The following STAG1 variants were observed in gnomAD, a reference collection of about 807,000 sequenced individuals.
STAG1 encodes STAG1 cohesin complex component.
A neutral mutation model predicts 170.9 loss-of-function variants in STAG1; 26 were observed. The observed-to-expected ratio is 0.15, with a 90% CI of 0.11 to 0.21. The LOEUF is 0.21. Among genes scored for constraint, STAG1 ranks in the 10% least tolerant of loss-of-function variants. The pLI, the probability that STAG1 is intolerant of heterozygous loss-of-function variation, is 1.00. For synonymous variants in STAG1, 514 were observed against 497.7 expected (o/e 1.03, Z -0.44); for missense variants, 964 against 1,509.5 (o/e 0.64, Z 5.99).
chr3:136,542,097 T>G, intron 6 of STAG1, 22 bp downstream of exon 6: 2 of 1,560,182 alleles, frequency 1.3e-6, no homozygotes, highest in Non-Finnish European at 1.8e-6. Context: ...AAGCAATTTG[T>G]ATGAATATTG....
intron 5 of STAG1, among the ~76,000 whole-genome samples, chr3:136,568,190 C>T (rs1937150003): frequency 1.3e-5 from 2 of 151,988 alleles, no homozygotes; most frequent in Admixed American, 6.6e-5. Flanking sequence ...CAACTCACTT[C>T]CCCCCATGTA....
At chr3:136,691,252 G>C (rs912125481) in intron 1 of STAG1, among the ~76,000 whole-genome samples, 1 of 151,988 alleles carries the variant, frequency 6.6e-6, no homozygotes, top group Non-Finnish European at 1.5e-5. Context: ...TGGCTGACAC[G>C]GTGAAACCCC....
intron 6 of STAG1, among the ~76,000 whole-genome samples, chr3:136,541,838 G>T (rs1360507376): frequency 6.6e-6 from 1 of 151,996 alleles, no homozygotes; most frequent in Non-Finnish European, 1.5e-5. Context: ...TTATAAATTT[G>T]GGAATTTGAG....
chr3:136,520,464 T>C (rs930024149), intron 7 of STAG1, among the ~76,000 whole-genome samples: 1 of 151,960 alleles, frequency 6.6e-6, no homozygotes, highest in African/African-American at 2.4e-5. Context: ...TTATGAACAC[T>C]CAACAAGTAT....
intron 16 of STAG1, among the ~76,000 whole-genome samples, chr3:136,433,320 A>G (rs145804203): frequency 0.012 from 1,817 of 152,056 alleles, 9 homozygotes; most frequent in Non-Finnish European, 0.02. Context: ...ATATATATAT[A>G]AAATACGTAA....
At chr3:136,380,292 A>T (rs1468886565) in intron 22 of STAG1, among the ~76,000 whole-genome samples, 2 of 151,316 alleles carry the variant, frequency 1.3e-5, no homozygotes, top group Non-Finnish European at 2.9e-5. Flanking sequence ...CCCAGGCTGG[A>T]GTGCAGTGGT....
chr3:136,384,147 G>A (rs1938133704), intron 22 of STAG1, among the ~76,000 whole-genome samples: 1 of 151,870 alleles, frequency 6.6e-6, no homozygotes, highest in Non-Finnish European at 1.5e-5. Flanking sequence ...GAGACAGGCA[G>A]CATTATGAAA....
intron 1 of STAG1, among the ~76,000 whole-genome samples, chr3:136,730,027 T>C (rs1022935682): frequency 6.6e-6 from 1 of 151,748 alleles, no homozygotes; most frequent in East Asian, 1.9e-4. Flanking sequence ...TAGCTGGGAC[T>C]ACAGACACGT....
Position 136,457,187 on chromosome 3 carries a change from G to T in STAG1, c.1314-5040C>A, listed in dbSNP as rs559379525. 4.7e-4 allele frequency among the ~76,000 whole-genome samples: 71 copies of T among 152,114 alleles called. 2 individuals carry two copies. In the South Asian group the frequency reaches 0.015, roughly 32 times the overall value. On this transcript the variant is annotated intron_variant, in intron 13 of 33. Coordinates refer to ENST00000383202, the MANE Select transcript of STAG1 (RefSeq NM_005862.3). The stretch of plus-strand genomic sequence containing the variant: ...CCAAAGGGTGGAAGGCTGCCCTGCC[G>T]CACCACAAATATAAGCCCAGGCATA...
intron 1 of STAG1, among the ~76,000 whole-genome samples, chr3:136,635,225 AC>A (rs1183316362): frequency 6.6e-6 from 1 of 152,230 alleles, no homozygotes; most frequent in Non-Finnish European, 1.5e-5. Flanking sequence ...CTCAACAGAA[AC>A]ATCAGCAAAT....
At chr3:136,739,520 G>A (rs143205349) in intron 1 of STAG1, among the ~76,000 whole-genome samples, 10,866 of 120,192 alleles carry the variant, frequency 0.09, 399 homozygotes, top group Non-Finnish European at 0.11. Context: ...AAAAAAAAAA[G>A]AAAAAAAAAA....
chr3:136,525,550 C>G (rs1479926005), intron 6 of STAG1, among the ~76,000 whole-genome samples: 1 of 152,118 alleles, frequency 6.6e-6, no homozygotes, highest in Non-Finnish European at 1.5e-5. Context: ...AAACCAGCTC[C>G]TAGATTCATT....
intron 9 of STAG1, among the ~76,000 whole-genome samples, chr3:136,499,363 T>G (rs750008075): frequency 6.6e-6 from 1 of 152,122 alleles, no homozygotes; most frequent in Non-Finnish European, 1.5e-5. Flanking sequence ...TTTTAAATTT[T>G]CTGTAGAGAT....
At position 136,526,541 on chromosome 3, in the gene STAG1, C is replaced by G. The variant is rs368878392; in HGVS notation, c.472-5124G>C. Among the ~76,000 whole-genome samples, 496 of 152,272 alleles carry G rather than the reference C, an allele frequency of 3.3e-3. 7 individuals are homozygous for G. The East Asian group carries it at 0.046, about 14-fold the overall frequency. On this transcript the variant is annotated intron_variant, in intron 6 of 33. Coordinates refer to ENST00000383202, the MANE Select transcript of STAG1 (RefSeq NM_005862.3). The stretch of plus-strand genomic sequence containing the variant: ...TACAGCACACTGATGGGTCTTGACT[C>G]TTTATCCAATTTGCCAGTCTGTGTC...
intron 1 of STAG1, among the ~76,000 whole-genome samples, chr3:136,721,118 T>C (rs555608033): frequency 1.2e-4 from 18 of 152,202 alleles, no homozygotes; most frequent in Non-Finnish European, 2.1e-4. Context: ...CAAGAAAGCC[T>C]GAGCTGCCAG....
chr3:136,414,184 C>A (rs1576442224), intron 21 of STAG1, among the ~76,000 whole-genome samples: 1 of 145,954 alleles, frequency 6.9e-6, no homozygotes, highest in African/African-American at 2.4e-5. Flanking sequence ...AAGTTTGCTG[C>A]ATCAATTGAT....
At chr3:136,714,824 A>C (rs1177646782) in intron 1 of STAG1, among the ~76,000 whole-genome samples, 2 of 147,858 alleles carry the variant, frequency 1.4e-5, no homozygotes, top group Non-Finnish European at 3.0e-5. Flanking sequence ...TGGCAAGATC[A>C]CTTGAACCTG....
intron 9 of STAG1, chr3:136,499,969 C>T (rs1204550358): frequency 3.5e-6 from 1 of 285,522 alleles, no homozygotes; most frequent in African/African-American, 2.3e-5. Context: ...AATTAATATT[C>T]CATCAGTATA....
rs931207525 is a variant in STAG1 at position 136,449,041 on chromosome 3, T to C, written c.1428+2992A>G. ...TGTGTGACAGTAAAACAAAGAGAAA[T>C]TCAGAGTAGAGCACAATTGGAATAC... On this transcript the variant is annotated intron_variant, in intron 14 of 33. Coordinates refer to ENST00000383202, the MANE Select transcript of STAG1 (RefSeq NM_005862.3). Among the ~76,000 whole-genome samples, 9 of 152,206 alleles carry C rather than the reference T, an allele frequency of 5.9e-5. No individual in the cohort carries two copies. The East Asian group carries it at 1.5e-3, about 26-fold the overall frequency.
Sources: allele counts gnomAD v4.1 joint callset (sites outside exome capture counted in the v4.1 genomes callset), GRCh38; gene constraint gnomAD v4.1.1; transcripts MANE v1.5; gene names NCBI Gene and HGNC (gene_info 2026-07-23, HGNC 2026-07-21).